The following MRPL13 variants were observed in gnomAD, a reference collection of about 807,000 sequenced individuals.
MRPL13 encodes the protein large ribosomal subunit protein uL13m.
MRPL13 carries 33 observed loss-of-function variants against 29.0 expected under a neutral mutation model. The observed-to-expected ratio is 1.14, with a 90% CI of 0.86 to 1.52. The LOEUF (loss-of-function observed/expected upper bound fraction) is 1.52, where lower values mean the gene tolerates loss of function less well. Among genes scored for constraint, MRPL13 ranks in the 40% most tolerant of loss-of-function variants. The pLI is 0.00. For synonymous variants in MRPL13, 77 were observed against 68.4 expected, an observed-to-expected ratio of 1.13 and a Z score of -0.62; for missense variants, 227 against 216.7, an observed-to-expected ratio of 1.05 and a Z score of -0.30.
In MRPL13 at chr8:120,432,024, T is replaced by A; in HGVS notation, c.245+6A>T. ...CCTAATTTCCCTGACAACAGCATTA[T>A]CTTACCCAGTATGCGAAGAGTATAC... On this transcript the variant is annotated splice_donor_region_variant and intron_variant, in intron 3 of 6. Coordinates refer to ENST00000306185, the MANE Select transcript of MRPL13 (RefSeq NM_014078.6). The A allele has an allele frequency of 3.8e-6, 6 of 1,585,716 alleles. No individual in the cohort carries two copies. Among genetic ancestry groups the A allele is most frequent in the Non-Finnish European group, 5.2e-6 (6 of 1,162,840 alleles).
chr8:120,396,649 T>G (rs1423586621), intron 6 of MRPL13, among the ~76,000 whole-genome samples: 2 of 152,212 alleles, frequency 1.3e-5, no homozygotes, highest in African/African-American at 4.8e-5. Context: ...TCCTTATTTA[T>G]GCAATTATAA....
chr8:120,413,169 A>C (rs1812759915), intron 6 of MRPL13, among the ~76,000 whole-genome samples: 1 of 152,230 alleles, frequency 6.6e-6, no homozygotes, highest in Non-Finnish European at 1.5e-5. Flanking sequence ...TTCTTTCCTA[A>C]AGTCACTTAT....
intron 6 of MRPL13, among the ~76,000 whole-genome samples, chr8:120,405,494 CTGGTTTAT>C (rs1812655993): frequency 1.3e-5 from 2 of 152,182 alleles, no homozygotes; most frequent in Non-Finnish European, 2.9e-5. Context: ...TGATGCATTG[CTGGTTTAT>C]GGACCACATT....
intron 5 of MRPL13, chr8:120,415,531 G>C (rs1812793238): frequency 6.6e-6 from 1 of 152,054 alleles, no homozygotes; most frequent in African/African-American, 2.4e-5. Flanking sequence ...CTGTAAGCTT[G>C]TTCTAAAACC....
intron 1 of MRPL13, 92 bp downstream of exon 1, chr8:120,444,976 C>T (rs927722837): frequency 2.5e-6 from 4 of 1,570,498 alleles, no homozygotes; most frequent in Non-Finnish European, 3.5e-6. Flanking sequence ...GGCTTCCCTG[C>T]CGCCCCAGCT....
At chr8:120,430,331 T>A (rs566662902) in intron 3 of MRPL13, among the ~76,000 whole-genome samples, 2 of 152,194 alleles carry the variant, frequency 1.3e-5, no homozygotes, top group Non-Finnish European at 2.9e-5. Context: ...GGGCTGACTG[T>A]ATATTAAAAT....
intron 4 of MRPL13, among the ~76,000 whole-genome samples, chr8:120,420,598 T>C (rs1435667696): frequency 6.6e-6 from 1 of 151,312 alleles, no homozygotes; most frequent in African/African-American, 2.4e-5. Context: ...ATGTAGCTAG[T>C]GGCTACCATG....
At position 120,439,941 on chromosome 8, in the gene MRPL13, A is replaced by G. The variant is rs140086690; in HGVS notation, c.151+3244T>C. Among the ~76,000 whole-genome samples the G allele has an allele frequency of 1.3e-3, 200 of 152,318 alleles. 1 individual carries two copies. The highest frequency in any genetic ancestry group is 4.4e-3 in the African/African-American group (181 of 41,572). ...AGCCCTGACTAAAAGTATTTTCTTC[A>G]TTTTCACAACTGGAATTCATAAATG... On this transcript the variant is annotated intron_variant, in intron 2 of 6. Transcript: ENST00000306185.
chr8:120,420,641 C>T (rs978941193), intron 4 of MRPL13, among the ~76,000 whole-genome samples: 20 of 151,470 alleles, frequency 1.3e-4, no homozygotes, highest in African/African-American at 3.6e-4. Context: ...ATTTCCATCA[C>T]GGCAAAAATT....
At chr8:120,437,396 A>G (rs894840855) in intron 2 of MRPL13, among the ~76,000 whole-genome samples, 1 of 152,118 alleles carries the variant, frequency 6.6e-6, no homozygotes, top group Non-Finnish European at 1.5e-5. Flanking sequence ...GAAATATTTT[A>G]ACATAATCTA....
At chr8:120,398,380 C>T (rs1812547281) in intron 6 of MRPL13, among the ~76,000 whole-genome samples, 1 of 152,100 alleles carries the variant, frequency 6.6e-6, no homozygotes. Context: ...GAGCAATCCC[C>T]CAGCAAACTG....
chr8:120,443,280 TA>T lies in MRPL13; in HGVS notation c.55del (p.Tyr19IlefsTer3). Reference protein sequence around the residue: ...QQWATFARIWYLLDGKMQPPG... With the variant: ...QQWATFARIWXLLDGKMQPPG... ...TGGCTGCATTTTCCCATCTAAGAGA[TA>T]CCATATTCTAGCAAAAGTGGCCCAT... is the stretch of plus-strand genomic sequence containing the variant. On this transcript the variant is annotated frameshift_variant, in exon 2 of 7. Coordinates refer to ENST00000306185, the MANE Select transcript of MRPL13 (RefSeq NM_014078.6). LOFTEE classifies it high-confidence loss of function. 2 of 1,575,358 alleles carry T rather than the reference TA, an allele frequency of 1.3e-6. No individual in the cohort carries two copies. The highest frequency in any genetic ancestry group is 1.7e-6 in the Non-Finnish European group (2 of 1,166,390).
chr8:120,413,430 T>A (rs1378483173), intron 6 of MRPL13, among the ~76,000 whole-genome samples: 1 of 152,114 alleles, frequency 6.6e-6, no homozygotes, highest in Non-Finnish European at 1.5e-5. Context: ...AAGGACTGCC[T>A]GAGGAAGTTA....
chr8:120,410,807 G>A (rs933427769), intron 6 of MRPL13, among the ~76,000 whole-genome samples: 3 of 151,146 alleles, frequency 2.0e-5, no homozygotes, highest in Admixed American at 6.6e-5. Context: ...TTGAGATGGA[G>A]TTTTGCTCTT....
At chr8:120,425,251 CA>C in intron 4 of MRPL13, 54 bp downstream of exon 4, 1 of 1,337,804 alleles carries the variant, frequency 7.5e-7, no homozygotes, top group South Asian at 1.2e-5. Flanking sequence ...ACTGACAAAA[CA>C]GTATCTGAAT....
Position 120,443,234 on chromosome 8 carries a change from C to A in MRPL13, c.102G>T (p.Met34Ile), listed in dbSNP as rs750564947. 6 of 1,608,542 alleles carry A rather than the reference C, an allele frequency of 3.7e-6. No homozygotes were observed. The highest frequency in any genetic ancestry group is 3.4e-6 in the Non-Finnish European group (4 of 1,177,720). The change falls in exon 2 of 7, where the codon ATG becomes ATT. Residue 34 changes from methionine to isoleucine, a missense_variant. Transcript: ENST00000306185. ...GTAATCCCTGAAGTCTTATAGATGCCATAGCAGCAAGTTTGCCAGGTGGCT... is the reference window on the plus strand; with the variant it reads ...GTAATCCCTGAAGTCTTATAGATGCAATAGCAGCAAGTTTGCCAGGTGGCT... ...KMQPPGKLAAMASIRLQGLHK... is the reference protein window; with the variant it reads ...KMQPPGKLAAIASIRLQGLHK...
At chr8:120,404,240 C>T (rs183988374) in intron 6 of MRPL13, among the ~76,000 whole-genome samples, 277 of 152,236 alleles carry the variant, frequency 1.8e-3, no homozygotes, top group African/African-American at 6.4e-3. Flanking sequence ...AGTTAATGCC[C>T]CACAAGAAGT....
chr8:120,430,639 C>T (rs932758443), intron 3 of MRPL13, among the ~76,000 whole-genome samples: 3 of 152,054 alleles, frequency 2.0e-5, no homozygotes, highest in Non-Finnish European at 4.4e-5. Flanking sequence ...GTCAGGGGAA[C>T]AACACATGCA....
chr8:120,396,515 T>C (rs773611439), intron 6 of MRPL13, among the ~76,000 whole-genome samples: 6 of 152,106 alleles, frequency 3.9e-5, no homozygotes, highest in Non-Finnish European at 8.8e-5. Context: ...AATGCAAATT[T>C]TGAGTAAGTG....
Sources: gnomAD v4.1 joint callset for allele counts (sites outside exome capture counted in the v4.1 genomes callset) on GRCh38, gnomAD v4.1.1 for gene constraint, MANE v1.5 for transcripts, NCBI Gene and HGNC (gene_info 2026-07-23, HGNC 2026-07-21) for gene names.